ZNF264: variants seen among roughly 807,000 people sequenced by gnomAD.
ZNF264 encodes the protein zinc finger protein 264.
In ZNF264, 11 loss-of-function variants were observed where a neutral mutation model predicts 11.2. That is an observed-to-expected ratio of 0.98 (90% CI 0.62 to 1.63). The LOEUF is 1.63. ZNF264 is among the 40% of genes most tolerant of loss of function. ZNF264 has a pLI of 0.00. For synonymous variants in ZNF264, 309 were observed against 279.8 expected (o/e 1.10, Z -1.04); for missense variants, 752 against 768.1 (o/e 0.98, Z 0.25).
chr19:57,212,497 G>A lies in ZNF264; in HGVS notation c.1400G>A (p.Arg467Gln), dbSNP rs1222586960. 1.4e-5 allele frequency: 22 copies of A among 1,613,924 alleles called. No individual in the cohort carries two copies. Among genetic ancestry groups the A allele is most frequent in the Admixed American group, 5.0e-5 (3 of 59,986 alleles). The change falls in exon 4 of 4, where the codon CGG (arginine) becomes CAG (glutamine). Residue 467 changes from arginine (R) to glutamine (Q), a missense_variant. Coordinates refer to ENST00000263095, the MANE Select transcript of ZNF264 (RefSeq NM_003417.5). ...CKECGKAFSNRKDLIRHFSIH... is the reference protein window; with the variant it reads ...CKECGKAFSNQKDLIRHFSIH... Reference sequence around the variant, plus strand: ...GAGTGTGGGAAAGCCTTTAGCAATCGGAAGGACCTCATTCGCCACTTCAGC... The same window carrying A: ...GAGTGTGGGAAAGCCTTTAGCAATCAGAAGGACCTCATTCGCCACTTCAGC...
intron 2 of ZNF264, among the ~76,000 whole-genome samples, chr19:57,199,538 C>T (rs2087236036): frequency 1.3e-5 from 2 of 151,956 alleles, no homozygotes; most frequent in South Asian, 4.2e-4. Flanking sequence ...TTTTTAACTC[C>T]TCAGGCTGCA....
At position 57,211,395 on chromosome 19, in the gene ZNF264, GA is replaced by G. The variant is rs751123690; in HGVS notation, c.299del (p.Glu100GlyfsTer14). The G allele has an allele frequency of 4.3e-6, 7 of 1,613,942 alleles. No individual in the cohort carries two copies. Among genetic ancestry groups the G allele is most frequent in the Admixed American group, 1.7e-5 (1 of 59,986 alleles). ...KPKTTEPTTCEPALSEGISLQ... is the reference protein window; with the variant it reads ...KPKTTEPTTCXPALSEGISLQ... ...TAAGACCACAGAACCTACCACTTGTGAGCCAGCCTTGTCAGAGGGAATCTCA... is the reference window on the plus strand; with the variant it reads ...TAAGACCACAGAACCTACCACTTGTGGCCAGCCTTGTCAGAGGGAATCTCA... On this transcript the variant is annotated frameshift_variant, in exon 4 of 4. Coordinates refer to ENST00000263095, the MANE Select transcript of ZNF264 (RefSeq NM_003417.5). LOFTEE classifies it low-confidence loss of function (END_TRUNC).
chr19:57,191,809 C>T lies in ZNF264; in HGVS notation c.-105C>T. Reference sequence around the variant, plus strand: ...CCACCGAGGAGGCGGCGGCCCCGAGCGCGCCTGGAAGCCCCGGGCAACCGG... The same window carrying T: ...CCACCGAGGAGGCGGCGGCCCCGAGTGCGCCTGGAAGCCCCGGGCAACCGG... On this transcript the variant is annotated 5_prime_UTR_variant, in exon 1 of 4. Coordinates refer to ENST00000263095, the MANE Select transcript of ZNF264 (RefSeq NM_003417.5). 2.2e-6 allele frequency: 2 copies of T among 924,190 alleles called. No individual in the cohort carries two copies. The highest frequency in any genetic ancestry group is 2.8e-6 in the Non-Finnish European group (2 of 703,828). 57.2% of individuals were successfully genotyped at this position (924,190 alleles called of 1,614,324 possible). A position where few individuals can be genotyped will look rare whatever the true frequency, so the allele number is the denominator to read the frequency against.
At chr19:57,198,546 C>G (rs1277936973) in intron 2 of ZNF264, among the ~76,000 whole-genome samples, 1 of 151,826 alleles carries the variant, frequency 6.6e-6, no homozygotes, top group East Asian at 1.9e-4. Context: ...ATGTCTGTGC[C>G]TATTACGCAT....
In ZNF264 at chr19:57,211,851, A is replaced by G. The variant is rs762606728; in HGVS notation, c.754A>G (p.Ile252Val). The G allele has an allele frequency of 6.2e-7, 1 of 1,614,214 alleles. No individual in the cohort carries two copies. The highest frequency in any genetic ancestry group is 1.1e-5 in the South Asian group (1 of 91,086). ...CACACATCTCCTGCAACATCACATG[A>G]TCCACACTGGGGAGAGGCCCTATGA... ...KSTHLLQHHM[I>V]HTGERPYECM... Residue 252 changes from isoleucine (I) to valine (V), a missense_variant, in exon 4 of 4, where the codon ATC becomes GTC. Physicochemically the swap from Ile to Val is conservative, Grantham distance 29 (BLOSUM62 3). Coordinates refer to ENST00000263095, the MANE Select transcript of ZNF264 (RefSeq NM_003417.5).
In ZNF264 at chr19:57,222,619, A is replaced by G. The variant is rs754925735; in HGVS notation, c.*9638A>G. The G allele has an allele frequency of 6.6e-6, 1 of 152,008 alleles. No homozygotes were observed. The highest frequency in any genetic ancestry group is 1.5e-5 in the Non-Finnish European group (1 of 68,012). 9.4% of individuals were successfully genotyped at this position (152,008 alleles called of 1,614,324 possible). Reference sequence around the variant, plus strand: ...CGTGTATGAATATATATATATGGCTATAAGTGGTGCGACTTGCAGGTACTC... The same window carrying G: ...CGTGTATGAATATATATATATGGCTGTAAGTGGTGCGACTTGCAGGTACTC... On this transcript the variant is annotated 3_prime_UTR_variant, in exon 4 of 4. Coordinates refer to ENST00000263095, the MANE Select transcript of ZNF264 (RefSeq NM_003417.5).
rs1417851695 is a variant in ZNF264 at position 57,219,180 on chromosome 19, C to T, written c.*6199C>T. 2 of 152,442 alleles carry T rather than the reference C, an allele frequency of 1.3e-5. No homozygotes were observed. The highest frequency in any genetic ancestry group is 1.9e-4 in the East Asian group (1 of 5,200). The allele number at this position is 152,442 out of a possible 1,614,324, so 9.4% of individuals were successfully genotyped here. A position where few individuals can be genotyped will look rare whatever the true frequency, so the allele number is the denominator to read the frequency against. On this transcript the variant is annotated 3_prime_UTR_variant, in exon 4 of 4. Transcript: ENST00000263095. ...CTCAAAAAAAAAAAAAATTCTCTAG[C>T]TCTCTATGCCTTGTTGTATCCTCAG...
chr19:57,218,092 C>T lies in ZNF264; in HGVS notation c.*5111C>T, dbSNP rs2087393304. The T allele has an allele frequency of 6.6e-6, 1 of 152,154 alleles. No individual in the cohort carries two copies. Among genetic ancestry groups the T allele is most frequent in the Non-Finnish European group, 1.5e-5 (1 of 68,022 alleles). The allele number at this position is 152,154 out of a possible 1,614,324, so 9.4% of individuals were successfully genotyped here. On this transcript the variant is annotated 3_prime_UTR_variant, in exon 4 of 4. Coordinates refer to ENST00000263095, the MANE Select transcript of ZNF264 (RefSeq NM_003417.5). The stretch of plus-strand genomic sequence containing the variant: ...ATTGTTCATTCTTCTTTCTTGAAAT[C>T]CCAAACCTTCTATTAACATTTCTTT...
Position 57,191,599 on chromosome 19 carries a change from G to T in ZNF264, c.-315G>T. ...TAGTCAGGACCGAGCAGGGGAGTAG[G>T]ATAGGAATCCCCGCCGCACCTTTGT... On this transcript the variant is annotated 5_prime_UTR_variant, in exon 1 of 4. Transcript: ENST00000263095. The T allele has an allele frequency of 3.0e-6, 1 of 336,846 alleles. No individual in the cohort carries two copies. Among genetic ancestry groups the T allele is most frequent in the Non-Finnish European group, 5.4e-6 (1 of 186,744 alleles). 20.9% of individuals were successfully genotyped at this position (336,846 alleles called of 1,614,324 possible). A position where few individuals can be genotyped will look rare whatever the true frequency, so the allele number is the denominator to read the frequency against.
In ZNF264 at chr19:57,211,671, A is replaced by G. The variant is rs758071349; in HGVS notation, c.574A>G (p.Lys192Glu). ...VRSHNSCESG[K>E]DPMIQEEENN... ...TAGCCATAACTCATGTGAGTCAGGT[A>G]AAGATCCCATGATTCAGGAAGAGGA... The change falls in exon 4 of 4, where the codon AAA (lysine) becomes GAA (glutamate). Residue 192 changes from lysine (K) to glutamate (E), a missense_variant. Coordinates refer to ENST00000263095, the MANE Select transcript of ZNF264 (RefSeq NM_003417.5). 1.2e-6 allele frequency: 2 copies of G among 1,614,076 alleles called. No homozygotes were observed. Among genetic ancestry groups the G allele is most frequent in the East Asian group, 2.2e-5 (1 of 44,904 alleles).
Position 57,191,524 on chromosome 19 carries a change from A to G in ZNF264, c.-390A>G, listed in dbSNP as rs1017116035. The G allele has an allele frequency of 9.4e-6, 2 of 213,678 alleles. No homozygotes were observed. Among genetic ancestry groups the G allele is most frequent in the African/African-American group, 2.3e-5 (1 of 43,766 alleles). The allele number at this position is 213,678 out of a possible 1,614,324, so 13.2% of individuals were successfully genotyped here. ...CATTTTCTTCTGCACTTCTGTCTGG[A>G]GAGGTCTGTAGCCACTGAGGGCCCC... On this transcript the variant is annotated 5_prime_UTR_variant, in exon 1 of 4. Transcript: ENST00000263095.
In ZNF264 at chr19:57,214,118, A is replaced by G. The variant is rs1418334896; in HGVS notation, c.*1137A>G. 6.6e-6 allele frequency: 1 copy of G among 152,068 alleles called. No homozygotes were observed. Among genetic ancestry groups the G allele is most frequent in the Non-Finnish European group, 1.5e-5 (1 of 68,006 alleles). The allele number at this position is 152,068 out of a possible 1,614,324, so 9.4% of individuals were successfully genotyped here. ...TTGAGTTCACTTATTATTTTTAGCT[A>G]TTTCTTTCGACAGAATCCTTGGAAT... On this transcript the variant is annotated 3_prime_UTR_variant, in exon 4 of 4. Transcript: ENST00000263095.
intron 2 of ZNF264, among the ~76,000 whole-genome samples, chr19:57,197,102 G>C (rs991383146): frequency 6.6e-6 from 1 of 151,886 alleles, no homozygotes; most frequent in Non-Finnish European, 1.5e-5. Flanking sequence ...TCCGTCAACC[G>C]ATCATAGGGA....
intron 3 of ZNF264, among the ~76,000 whole-genome samples, chr19:57,206,104 C>T (rs1468642717): frequency 6.6e-6 from 1 of 152,176 alleles, no homozygotes; most frequent in Non-Finnish European, 1.5e-5. Flanking sequence ...CACATTCCAC[C>T]CACAGGAACT....
At chr19:57,193,603 G>C in intron 1 of ZNF264, 1 of 928,598 alleles carries the variant, frequency 1.1e-6, no homozygotes, top group Non-Finnish European at 1.3e-6. Flanking sequence ...TCGTTTTAGA[G>C]CCCTTAGCTT....
At position 57,222,219 on chromosome 19, in the gene ZNF264, T is replaced by TG. The variant is rs34043543; in HGVS notation, c.*9239dup. On this transcript the variant is annotated 3_prime_UTR_variant, in exon 4 of 4. Transcript: ENST00000263095. ...AAAATTAGCCGGGCGTAGTGGTACATGCATTTAGTCCTAGCTACTTGGGAG... is the reference window on the plus strand; with the variant it reads ...AAAATTAGCCGGGCGTAGTGGTACATGGCATTTAGTCCTAGCTACTTGGGAG... 0.14 allele frequency: 20,490 copies of TG among 151,766 alleles called. 1,864 individuals are homozygous for TG. The highest frequency in any genetic ancestry group is 0.2 in the Non-Finnish European group (13,308 of 67,900). The allele number at this position is 151,766 out of a possible 1,614,324, so 9.4% of individuals were successfully genotyped here. A position where few individuals can be genotyped will look rare whatever the true frequency, so the allele number is the denominator to read the frequency against.
In ZNF264 at chr19:57,203,075, G is replaced by A. The variant is rs1007487599; in HGVS notation, c.161-2322G>A. On this transcript the variant is annotated intron_variant, in intron 2 of 3. Coordinates refer to ENST00000263095, the MANE Select transcript of ZNF264 (RefSeq NM_003417.5). ...TCTGTATTGTCATGGTGTGAGAGTA[G>A]AGAAAAAACATGATTAGAGAGAGTT... 3.3e-5 allele frequency among the ~76,000 whole-genome samples: 5 copies of A among 152,140 alleles called. No individual in the cohort carries two copies. The South Asian group carries it at 1.0e-3, about 31-fold the overall frequency.
At chr19:57,208,788 A>T (rs995709352) in intron 3 of ZNF264, among the ~76,000 whole-genome samples, 2 of 152,168 alleles carry the variant, frequency 1.3e-5, no homozygotes, top group Admixed American at 1.3e-4. Context: ...GCTTATGCCA[A>T]TTTGCACTTA....
chr19:57,198,518 T>A (rs11670803), intron 2 of ZNF264, among the ~76,000 whole-genome samples: 6,950 of 151,880 alleles, frequency 0.046, 225 homozygotes, highest in South Asian at 0.059. Flanking sequence ...AGTGTGGGGG[T>A]TCTGCCAGCT....
Sources: allele counts gnomAD v4.1 joint callset (sites outside exome capture counted in the v4.1 genomes callset), GRCh38; gene constraint gnomAD v4.1.1; transcripts MANE v1.5; gene names NCBI Gene and HGNC (gene_info 2026-07-23, HGNC 2026-07-21).